Variants in ANKFN1 observed in about 807,000 individuals in gnomAD.
ANKFN1 encodes the protein ankyrin repeat and fibronectin type-III domain-containing protein 1.
A neutral mutation model predicts 108.7 loss-of-function variants in ANKFN1; 74 were observed. That is an observed-to-expected ratio of 0.68 (90% confidence interval 0.56 to 0.83). ANKFN1 has a LOEUF of 0.83. Among genes scored for constraint, ANKFN1 ranks in the 40% least tolerant of loss-of-function variants. ANKFN1 has a pLI of 0.00. For missense variants in ANKFN1, 1,505 were observed against 1,382.3 expected (o/e 1.09, Z -1.41); for synonymous variants, 547 against 516.2 (o/e 1.06, Z -0.81).
intron 3 of ANKFN1, among the ~76,000 whole-genome samples, chr17:56,324,336 C>T (rs138046966): frequency 6.6e-6 from 1 of 152,156 alleles, no homozygotes; most frequent in South Asian, 2.1e-4. Context: ...GAAGAGTAGA[C>T]TAATGAATAC....
intron 3 of ANKFN1, among the ~76,000 whole-genome samples, chr17:56,292,154 A>G (rs922808463): frequency 6.6e-6 from 1 of 152,180 alleles, no homozygotes; most frequent in Non-Finnish European, 1.5e-5. Flanking sequence ...CATGACTGGC[A>G]TGGAAATCAC....
chr17:56,157,709 T>C lies in ANKFN1; in HGVS notation c.-71+4179T>C, dbSNP rs575669499. Among the ~76,000 whole-genome samples, 7 of 152,352 alleles carry C rather than the reference T, an allele frequency of 4.6e-5. No individual in the cohort carries two copies. The South Asian group carries it at 8.3e-4, about 18-fold the overall frequency. Reference sequence around the variant, plus strand: ...ACTCCACTTCCTTTAAACCTACTGATGCATTCAGTCTTGACAAGTGATTAC... The same window carrying C: ...ACTCCACTTCCTTTAAACCTACTGACGCATTCAGTCTTGACAAGTGATTAC... On this transcript the variant is annotated intron_variant, in intron 1 of 20. Coordinates refer to ENST00000682825, the MANE Select transcript of ANKFN1 (RefSeq NM_001370326.1).
At chr17:56,463,048 C>T (rs2049963998) in intron 14 of ANKFN1, among the ~76,000 whole-genome samples, 1 of 152,146 alleles carries the variant, frequency 6.6e-6, no homozygotes. Flanking sequence ...CAATTTGCAC[C>T]TTGTTTTCTG....
Position 56,332,876 on chromosome 17 carries a change from A to G in ANKFN1, c.188+6521A>G, listed in dbSNP as rs527863951. Among the ~76,000 whole-genome samples the G allele has an allele frequency of 5.9e-5, 9 of 152,106 alleles. No individual in the cohort carries two copies. The East Asian group carries it at 1.5e-3, about 26-fold the overall frequency. On this transcript the variant is annotated intron_variant, in intron 4 of 20. Coordinates refer to ENST00000682825, the MANE Select transcript of ANKFN1 (RefSeq NM_001370326.1). ...CTACTGAAATAAAAAGCCTGCTAGG[A>G]TTTTGATTGAGATTGCATTGAATGT...
At chr17:56,266,654 T>A (rs2043660530) in intron 3 of ANKFN1, among the ~76,000 whole-genome samples, 1 of 152,218 alleles carries the variant, frequency 6.6e-6, no homozygotes, top group Admixed American at 6.5e-5. Flanking sequence ...GTCCTTGGTT[T>A]TTGTTGAATG....
At position 56,439,553 on chromosome 17, in the gene ANKFN1, G is replaced by A. The variant is rs150747748; in HGVS notation, c.911-774G>A. The stretch of plus-strand genomic sequence containing the variant: ...AAACATTCACCTTGGGGATGTCAAG[G>A]GAGAAGAACATTAAACACCTTAGCC... On this transcript the variant is annotated intron_variant, in intron 8 of 20. Coordinates refer to ENST00000682825, the MANE Select transcript of ANKFN1 (RefSeq NM_001370326.1). Among the ~76,000 whole-genome samples, 81 of 151,842 alleles carry A rather than the reference G, an allele frequency of 5.3e-4. 4 individuals are homozygous for A. The East Asian group carries it at 0.013, about 24-fold the overall frequency.
chr17:56,482,613 G>A (rs2050748201), intron 18 of ANKFN1, 89 bp downstream of exon 18: 1 of 1,460,230 alleles, frequency 6.8e-7, no homozygotes, highest in Non-Finnish European at 9.3e-7. Flanking sequence ...TGTCCCAGTG[G>A]AGGGTCAATA....
chr17:56,169,212 G>C (rs1910426857), intron 1 of ANKFN1, among the ~76,000 whole-genome samples: 1 of 152,156 alleles, frequency 6.6e-6, no homozygotes, highest in African/African-American at 2.4e-5. Flanking sequence ...GAGATGTGTA[G>C]CCCTGGCAGG....
At chr17:56,433,048 G>T (rs2048811166) in intron 8 of ANKFN1, among the ~76,000 whole-genome samples, 1 of 152,026 alleles carries the variant, frequency 6.6e-6, no homozygotes, top group Non-Finnish European at 1.5e-5. Flanking sequence ...TAATCACACA[G>T]ACATATATAT....
chr17:56,265,685 C>G (rs920512868), intron 3 of ANKFN1, among the ~76,000 whole-genome samples: 1 of 152,154 alleles, frequency 6.6e-6, no homozygotes, highest in Non-Finnish European at 1.5e-5. Flanking sequence ...TCCATGGATG[C>G]TCAAATCCCT....
At chr17:56,179,805 G>T (rs1429324200) in intron 1 of ANKFN1, among the ~76,000 whole-genome samples, 1 of 152,178 alleles carries the variant, frequency 6.6e-6, no homozygotes, top group Non-Finnish European at 1.5e-5. Flanking sequence ...AGAGCCTGGT[G>T]TTTAGTGGAC....
intron 4 of ANKFN1, among the ~76,000 whole-genome samples, chr17:56,059,566 G>T (rs1317842513): frequency 2.0e-5 from 3 of 152,086 alleles, no homozygotes; most frequent in Non-Finnish European, 4.4e-5. Context: ...ATGGTTTGGG[G>T]TTTTTACATT....
At chr17:56,454,263 T>C (rs1266315592) in intron 11 of ANKFN1, among the ~76,000 whole-genome samples, 2 of 152,212 alleles carry the variant, frequency 1.3e-5, no homozygotes, top group Non-Finnish European at 2.9e-5. Flanking sequence ...TCTTAGCTTT[T>C]GACAACATGT....
intron 1 of ANKFN1, among the ~76,000 whole-genome samples, chr17:56,207,702 C>T (rs1914650162): frequency 1.3e-5 from 2 of 152,116 alleles, no homozygotes. Flanking sequence ...CTCCCTTTTC[C>T]ATATATGGTG....
intron 4 of ANKFN1, among the ~76,000 whole-genome samples, chr17:56,052,300 A>G (rs1352445621): frequency 6.6e-6 from 1 of 152,188 alleles, no homozygotes; most frequent in Non-Finnish European, 1.5e-5. Flanking sequence ...GCACTGCTTT[A>G]CAAAACTGGG....
chr17:56,188,039 C>T (rs575191274), intron 1 of ANKFN1, among the ~76,000 whole-genome samples: 59 of 152,122 alleles, frequency 3.9e-4, no homozygotes, highest in Non-Finnish European at 7.4e-4. Flanking sequence ...ATGTAACAAA[C>T]CTGCACGTTG....
intron 4 of ANKFN1, among the ~76,000 whole-genome samples, chr17:56,140,501 T>C (rs1907855143): frequency 6.6e-6 from 1 of 152,170 alleles, no homozygotes; most frequent in African/African-American, 2.4e-5. Context: ...CTTATTTTCT[T>C]GTCTTTCAAA....
chr17:56,480,522 G>C, intron 16 of ANKFN1, 146 bp from the exon 17 acceptor site: 1 of 838,284 alleles, frequency 1.2e-6, no homozygotes, highest in South Asian at 1.9e-5. Context: ...CATTTGGGTG[G>C]CAAAATGTTC....
intron 1 of ANKFN1, chr17:56,153,753 G>T (rs1018448936): frequency 4.8e-6 from 3 of 625,078 alleles, no homozygotes; most frequent in Non-Finnish European, 8.5e-6. Flanking sequence ...CTTTTGGGAG[G>T]TGGGAGAATG....
Sources: gnomAD v4.1 joint callset for allele counts (sites outside exome capture counted in the v4.1 genomes callset) on GRCh38, gnomAD v4.1.1 for gene constraint, MANE v1.5 for transcripts, NCBI Gene and HGNC (gene_info 2026-07-23, HGNC 2026-07-21) for gene names.